Variants in DIS3L2 observed in about 807,000 individuals in gnomAD.
DIS3L2 encodes DIS3 like 3'-5' exoribonuclease 2.
Under a neutral mutation model 97.5 loss-of-function variants are expected in DIS3L2, and 34 were observed. That is an observed-to-expected ratio of 0.35 (90% CI 0.27 to 0.46). The LOEUF (loss-of-function observed/expected upper bound fraction) is 0.46, where lower values mean the gene tolerates loss of function less well. Among genes scored for constraint, DIS3L2 ranks in the 20% least tolerant of loss-of-function variants. The probability of loss-of-function intolerance (pLI) is 1.00; values close to 1 mark genes in which losing one functional copy is unlikely to be tolerated. For missense variants in DIS3L2, 1,038 were observed against 1,146.0 expected (o/e 0.91, Z 1.36); for synonymous variants, 435 against 445.2 (o/e 0.98, Z 0.29).
downstream of DIS3L2, among the ~76,000 whole-genome samples, chr2:232,337,913 C>T (rs1183165908): frequency 6.6e-6 from 1 of 151,196 alleles, no homozygotes; most frequent in Non-Finnish European, 1.5e-5. Flanking sequence ...TTCCCTCCTC[C>T]AGGGCTCAGC....
At chr2:232,050,020 C>G (rs1695355393) in intron 5 of DIS3L2, among the ~76,000 whole-genome samples, 1 of 152,130 alleles carries the variant, frequency 6.6e-6, no homozygotes. Flanking sequence ...GATGTGGATT[C>G]TGCAGTTTGT....
intron 4 of DIS3L2, among the ~76,000 whole-genome samples, chr2:232,027,158 T>G (rs1235469913): frequency 2.0e-5 from 3 of 152,150 alleles, no homozygotes; most frequent in Non-Finnish European, 1.5e-5. Flanking sequence ...TACTCATACA[T>G]AAAGCCCATA....
At chr2:232,004,730 T>G (rs948228362) in intron 1 of DIS3L2, among the ~76,000 whole-genome samples, 4 of 152,064 alleles carry the variant, frequency 2.6e-5, no homozygotes, top group African/African-American at 9.6e-5. Flanking sequence ...TACAGGCATG[T>G]GCTACCACAC....
chr2:232,283,192 G>A (rs1165985020), intron 13 of DIS3L2, among the ~76,000 whole-genome samples: 1 of 152,196 alleles, frequency 6.6e-6, no homozygotes, highest in Non-Finnish European at 1.5e-5. Context: ...TTAGAGATGA[G>A]GAAACTGAGA....
At chr2:232,339,157 C>T (rs558161521), downstream of DIS3L2, among the ~76,000 whole-genome samples, 10 of 152,344 alleles carry the variant, frequency 6.6e-5, 1 homozygote, top group East Asian at 9.7e-4. Context: ...GAGAGACTGA[C>T]GCCTCCCCAG....
chr2:232,268,229 C>T lies in DIS3L2; in HGVS notation c.1659+4789C>T, dbSNP rs1411226329. Among the ~76,000 whole-genome samples the T allele has an allele frequency of 1.3e-5, 2 of 152,338 alleles. No individual in the cohort carries two copies. Among genetic ancestry groups the T allele is most frequent in the African/African-American group, 4.8e-5 (2 of 41,576 alleles). On this transcript the variant is annotated intron_variant, in intron 13 of 20. Coordinates refer to ENST00000325385, the MANE Select transcript of DIS3L2 (RefSeq NM_152383.5). The surrounding 1 kb of genome is among the most constrained non-coding windows in gnomAD (Gnocchi z 4.1). ...ACCATCTTCCCAGGCAAATTACTCT[C>T]AACTCCAGGAGCTTCACAACTGCAT...
chr2:232,243,527 A>G (rs1397875646), intron 11 of DIS3L2, among the ~76,000 whole-genome samples: 1 of 152,158 alleles, frequency 6.6e-6, no homozygotes, highest in Non-Finnish European at 1.5e-5. Context: ...GAGGCTCTGA[A>G]TAACTACCCC....
chr2:232,306,897 G>A (rs573639609), intron 14 of DIS3L2, among the ~76,000 whole-genome samples: 3 of 152,336 alleles, frequency 2.0e-5, no homozygotes, highest in South Asian at 2.1e-4. Context: ...ACGCTCCTGC[G>A]TACAACGTGT....
At chr2:232,285,658 C>A (rs1013538471) in intron 13 of DIS3L2, among the ~76,000 whole-genome samples, 1 of 152,134 alleles carries the variant, frequency 6.6e-6, no homozygotes. Context: ...GTTCCATTTC[C>A]AGGTTGGCCG....
At chr2:232,062,128 G>C (rs1282275682) in intron 5 of DIS3L2, among the ~76,000 whole-genome samples, 1 of 152,178 alleles carries the variant, frequency 6.6e-6, no homozygotes, top group African/African-American at 2.4e-5. Flanking sequence ...CCGAGATGAA[G>C]GAAAGTCGGC....
chr2:232,081,110 T>C (rs1249034145), intron 5 of DIS3L2, among the ~76,000 whole-genome samples: 1 of 152,224 alleles, frequency 6.6e-6, no homozygotes, highest in Admixed American at 6.5e-5. Flanking sequence ...TAATGTTGTT[T>C]AACATGTTCC....
chr2:232,335,756 T>A lies in DIS3L2; in HGVS notation c.2395-17T>A. 1 of 1,549,814 alleles carries A rather than the reference T, an allele frequency of 6.5e-7. No homozygotes were observed. Among genetic ancestry groups the A allele is most frequent in the Non-Finnish European group, 8.7e-7 (1 of 1,146,666 alleles). ...GCATCCAGAGCTGAGGCCTGAGGCTTGGTGTTTGCACTCCAGGCACTGGCC... is the reference window on the plus strand; with the variant it reads ...GCATCCAGAGCTGAGGCCTGAGGCTAGGTGTTTGCACTCCAGGCACTGGCC... On this transcript the variant is annotated splice_polypyrimidine_tract_variant and intron_variant, in intron 19 of 20. Transcript: ENST00000325385.
chr2:232,270,294 C>A (rs1248057891), intron 13 of DIS3L2, among the ~76,000 whole-genome samples: 1 of 152,034 alleles, frequency 6.6e-6, no homozygotes, highest in Non-Finnish European at 1.5e-5. Flanking sequence ...ACCTATAGTC[C>A]CATCACCCAG....
intron 5 of DIS3L2, among the ~76,000 whole-genome samples, chr2:232,066,188 A>G (rs1295746295): frequency 6.6e-6 from 1 of 151,936 alleles, no homozygotes; most frequent in Non-Finnish European, 1.5e-5. Flanking sequence ...GTTGAACACA[A>G]GTAGTGAGAT....
intron 10 of DIS3L2, among the ~76,000 whole-genome samples, chr2:232,231,995 G>T (rs1692804618): frequency 6.6e-6 from 1 of 152,206 alleles, no homozygotes; most frequent in African/African-American, 2.4e-5. Flanking sequence ...GGACCAGTGG[G>T]GGTTGCCAGG....
chr2:232,020,252 C>G (rs760774230), intron 3 of DIS3L2, among the ~76,000 whole-genome samples: 1 of 152,144 alleles, frequency 6.6e-6, no homozygotes, highest in Non-Finnish European at 1.5e-5. Context: ...AGAAAATAAT[C>G]TGTTTCATGC....
chr2:231,998,770 T>TAA (rs1693796618), intron 1 of DIS3L2, among the ~76,000 whole-genome samples: 1 of 152,256 alleles, frequency 6.6e-6, no homozygotes, highest in Non-Finnish European at 1.5e-5. Flanking sequence ...TTCCATTGTT[T>TAA]TTTCTAGATT....
At chr2:232,169,733 A>C (rs1345057481) in intron 9 of DIS3L2, among the ~76,000 whole-genome samples, 2 of 152,168 alleles carry the variant, frequency 1.3e-5, no homozygotes, top group Admixed American at 6.5e-5. Context: ...CTCTGGCTCT[A>C]GCTACATAAG....
chr2:231,973,895 A>C (rs890491268), intron 1 of DIS3L2, among the ~76,000 whole-genome samples: 1 of 152,146 alleles, frequency 6.6e-6, no homozygotes, highest in African/African-American at 2.4e-5. Flanking sequence ...CAACAACCAC[A>C]ATAATAATAA....
Sources: allele counts gnomAD v4.1 joint callset (sites outside exome capture counted in the v4.1 genomes callset), GRCh38; gene constraint gnomAD v4.1.1; non-coding constraint Gnocchi (gnomAD v3.1); transcripts MANE v1.5; gene names NCBI Gene and HGNC (gene_info 2026-07-23, HGNC 2026-07-21).